RGS12: variants seen among roughly 807,000 people sequenced by gnomAD.
The protein encoded by RGS12 is regulator of G-protein signaling 12.
RGS12 carries 66 observed loss-of-function variants against 120.1 expected under a neutral mutation model. The observed-to-expected ratio is 0.55, with a 90% confidence interval of 0.45 to 0.67. RGS12 has a LOEUF of 0.67. Among genes scored for constraint, RGS12 ranks in the 30% least tolerant of loss-of-function variants. RGS12 has a pLI of 0.00. For missense variants in RGS12, 1,859 were observed against 1,957.7 expected (o/e 0.95, Z 0.95); for synonymous variants, 827 against 804.7 (o/e 1.03, Z -0.47).
chr4:3,416,799 A>G (rs1722449605), intron 7 of RGS12, 114 bp from the exon 8 acceptor site: 1 of 922,702 alleles, frequency 1.1e-6, no homozygotes, highest in African/African-American at 1.7e-5. Flanking sequence ...GACTGAAACG[A>G]TGTCCTTTCA....
intron 14 of RGS12, among the ~76,000 whole-genome samples, chr4:3,427,154 GACACCC>G (rs1234663243): frequency 6.6e-6 from 1 of 152,190 alleles, no homozygotes; most frequent in East Asian, 1.9e-4. Flanking sequence ...GCTGGGCCCT[GACACCC>G]ACCCAGGCAG....
intron 3 of RGS12, among the ~76,000 whole-genome samples, chr4:3,362,457 CGAGGGTGTGTGTGAGGGTGTGTGTATGT>C (rs1215749812): frequency 2.5e-5 from 3 of 117,692 alleles, no homozygotes; most frequent in East Asian, 2.7e-4. Flanking sequence ...TGTGAGGGTG[CGAGGGTGTGTGTGAGGGTGTGTGTATGT>C]GAGGGTGTGT....
At chr4:3,361,173 T>C (rs1715519210) in intron 3 of RGS12, among the ~76,000 whole-genome samples, 1 of 152,178 alleles carries the variant, frequency 6.6e-6, no homozygotes, top group Non-Finnish European at 1.5e-5. Context: ...AACGCACCTG[T>C]GTCATTCCAG....
intron 1 of RGS12, among the ~76,000 whole-genome samples, chr4:3,309,936 G>T: frequency 6.9e-6 from 1 of 144,154 alleles, no homozygotes; most frequent in South Asian, 2.4e-4. Flanking sequence ...GGAATGGCAG[G>T]TGTCCGCTGA....
intron 3 of RGS12, among the ~76,000 whole-genome samples, chr4:3,370,551 CCTCAACCCCTCGG>C (rs1167511306): frequency 4.6e-5 from 7 of 152,370 alleles, no homozygotes; most frequent in African/African-American, 1.7e-4. Context: ...CGGCCGCCGG[CCTCAACCCCTCGG>C]GAGCCCAAGC....
rs1352440043 is a variant in RGS12, at chr4:3,309,572, CTG to C, written c.-101-6497_-101-6496del. Among the ~76,000 whole-genome samples the C allele has an allele frequency of 9.7e-5, 13 of 134,266 alleles. 1 individual carries two copies. Among genetic ancestry groups the C allele is most frequent in the African/African-American group, 4.0e-4 (13 of 32,476 alleles). 88.1% of individuals were successfully genotyped at this position (134,266 alleles called of 152,430 possible). ...GCTGGGGCCTGGGAATGGCAGGTGT[CTG>C]CTGAGGGGAACTGTGTTGAGGAGGA... On this transcript the variant is annotated intron_variant, in intron 1 of 17. Coordinates refer to ENST00000336727, the MANE Select transcript of RGS12 (RefSeq NM_001394154.1).
At chr4:3,364,642 G>A (rs560859120) in intron 3 of RGS12, among the ~76,000 whole-genome samples, 1 of 152,270 alleles carries the variant, frequency 6.6e-6, no homozygotes, top group Non-Finnish European at 1.5e-5. Flanking sequence ...ACAGCCCAGG[G>A]CCTGGGGCAG....
chr4:3,315,166 A>G (rs1724656768), intron 1 of RGS12, among the ~76,000 whole-genome samples: 1 of 152,210 alleles, frequency 6.6e-6, no homozygotes, highest in African/African-American at 2.4e-5. Context: ...CTGGAAGCTC[A>G]AGCCTGGTTT....
chr4:3,339,671 T>G (rs1326690861), intron 2 of RGS12, among the ~76,000 whole-genome samples: 1 of 152,146 alleles, frequency 6.6e-6, no homozygotes, highest in Non-Finnish European at 1.5e-5. Context: ...ATCACATGAT[T>G]GTTTTGAGAT....
At chr4:3,337,762 C>T (rs1211818644) in intron 2 of RGS12, among the ~76,000 whole-genome samples, 4 of 152,134 alleles carry the variant, frequency 2.6e-5, no homozygotes, top group Admixed American at 2.0e-4. Flanking sequence ...TTCTGGAGGA[C>T]GGTGGTGATG....
chr4:3,354,713 T>G (rs1485487929), intron 3 of RGS12, among the ~76,000 whole-genome samples: 1 of 152,206 alleles, frequency 6.6e-6, no homozygotes, highest in Non-Finnish European at 1.5e-5. Context: ...ATGAGAATAC[T>G]ACATATCTAA....
intron 3 of RGS12, among the ~76,000 whole-genome samples, chr4:3,355,075 T>C (rs895436687): frequency 1.3e-5 from 2 of 152,194 alleles, no homozygotes; most frequent in African/African-American, 4.8e-5. Flanking sequence ...GCAAGGTGAT[T>C]CCAGCAATTT....
rs1715629019 is a variant in RGS12 at position 3,362,129 on chromosome 4, A to G, written c.1998+19076A>G. On this transcript the variant is annotated intron_variant, in intron 3 of 17. Transcript: ENST00000336727. The stretch of plus-strand genomic sequence containing the variant: ...TTGGGTTTTGTTCACAGGTTTCTCC[A>G]CGTGTGTTCCCTGTCTCAAAGGGCA... 2.0e-5 allele frequency among the ~76,000 whole-genome samples: 3 copies of G among 151,814 alleles called. No individual in the cohort carries two copies. The South Asian group carries it at 6.2e-4, about 32-fold the overall frequency.
chr4:3,364,043 C>G (rs1716027977), intron 3 of RGS12, among the ~76,000 whole-genome samples: 1 of 152,238 alleles, frequency 6.6e-6, no homozygotes, highest in Admixed American at 6.5e-5. Context: ...CTCTCCGATT[C>G]TGCACGTGTC....
At chr4:3,380,479 A>G (rs540751031) in intron 3 of RGS12, among the ~76,000 whole-genome samples, 117 of 152,296 alleles carry the variant, frequency 7.7e-4, no homozygotes, top group African/African-American at 2.7e-3. Context: ...CTAACCCCAC[A>G]TTTCCCTTTC....
chr4:3,435,452 G>C (rs1724714758), intron 17 of RGS12, among the ~76,000 whole-genome samples: 1 of 152,054 alleles, frequency 6.6e-6, no homozygotes, highest in South Asian at 2.1e-4. Context: ...ACAGCCCCAG[G>C]AGCCTGCCAC....
chr4:3,342,894 C>G (rs751833857), intron 2 of RGS12, 43 bp from the exon 3 acceptor site: 10 of 1,347,380 alleles, frequency 7.4e-6, no homozygotes, highest in Non-Finnish European at 1.1e-5. Context: ...CTAAACATCT[C>G]TTTGCAAAAG....
In RGS12 at chr4:3,416,998, G is replaced by T. The variant is rs780899532; in HGVS notation, c.2513G>T (p.Gly838Val). The T allele has an allele frequency of 4.3e-6, 7 of 1,613,468 alleles. No homozygotes were observed. The highest frequency in any genetic ancestry group is 1.1e-5 in the South Asian group (1 of 91,074). Residue 838 changes from glycine to valine, a missense_variant, in exon 8 of 18, where the codon GGC becomes GTC. This residue lies in a region of RGS12 where 375 missense variants were observed against 475.0 expected (regional missense o/e 0.79). Transcript: ENST00000336727. ...YQECILAEVE[G>V]RALPDSQQVP... The stretch of plus-strand genomic sequence containing the variant: ...GAATGCATCCTGGCGGAAGTGGAGG[G>T]CCGTGCACTCCCGGACTCGCAGCAG...
chr4:3,423,025 C>G (rs1723198688), intron 12 of RGS12, 47 bp downstream of exon 12: 2 of 1,480,494 alleles, frequency 1.4e-6, no homozygotes. Context: ...CAGAGCCAAC[C>G]CCGTGTGCCC....
Sources: allele counts gnomAD v4.1 joint callset (sites outside exome capture counted in the v4.1 genomes callset), GRCh38; gene constraint gnomAD v4.1.1; regional missense constraint gnomAD v4.1.1; transcripts MANE v1.5; gene names NCBI Gene and HGNC (gene_info 2026-07-23, HGNC 2026-07-21).